The following SPTBN2 variants were observed in gnomAD, a reference collection of about 807,000 sequenced individuals.
The protein encoded by SPTBN2 is spectrin beta chain, non-erythrocytic 2.
SPTBN2 carries 107 observed loss-of-function variants against 284.2 expected under a neutral mutation model. The observed-to-expected ratio is 0.38, with a 90% confidence interval of 0.32 to 0.44. The LOEUF is 0.44. Among genes scored for constraint, SPTBN2 ranks in the 20% least tolerant of loss-of-function variants. SPTBN2 has a pLI of 1.00. For missense variants in SPTBN2, 2,569 were observed against 3,287.1 expected (o/e 0.78, Z 5.34); for synonymous variants, 1,289 against 1,354.8 (o/e 0.95, Z 1.07).
intron 1 of SPTBN2, among the ~76,000 whole-genome samples, chr11:66,740,010 C>A (rs191810388): frequency 1.3e-5 from 2 of 152,200 alleles, no homozygotes; most frequent in East Asian, 1.9e-4. Flanking sequence ...CCAGCCCAGG[C>A]AACAAGAACA....
intron 8 of SPTBN2, among the ~76,000 whole-genome samples, chr11:66,712,401 G>T (rs1941916220): frequency 6.6e-6 from 1 of 152,166 alleles, no homozygotes; most frequent in African/African-American, 2.4e-5. Flanking sequence ...ACAAAAATTA[G>T]CCGGGCGTGG....
Position 66,708,350 on chromosome 11 carries a change from G to C in SPTBN2, c.1192-51C>G. The C allele has an allele frequency of 6.6e-7, 1 of 1,506,538 alleles. No individual in the cohort carries two copies. The highest frequency in any genetic ancestry group is 8.9e-7 in the Non-Finnish European group (1 of 1,120,794). The allele number at this position is 1,506,538 out of a possible 1,614,324, so 93.3% of individuals were successfully genotyped here. On this transcript the variant is annotated intron_variant, in intron 11 of 37. Coordinates refer to ENST00000533211, the MANE Select transcript of SPTBN2 (RefSeq NM_006946.4). This position sits in a 1 kb window ranked among gnomAD's most constrained non-coding sequence, Gnocchi z 4.4. ...GAAGGGACAGGGTGGGGAGGGCTCA[G>C]TGGGGCTGGAGGCACATGGTAAGTC...
chr11:66,688,992 G>A (rs976582012), intron 30 of SPTBN2, 104 bp downstream of exon 30: 6 of 1,458,262 alleles, frequency 4.1e-6, no homozygotes, highest in South Asian at 1.2e-5. Flanking sequence ...ATTGGGCATC[G>A]TGAGTTTCAC....
rs375197132 is a variant in SPTBN2 at position 66,718,723 on chromosome 11, C to T, written c.157+2361G>A. ...AGTGGAACCTCAGGCTGGAGTCCAGCGTCAGGGGATTCAAGAATGGTGGGA... is the reference window on the plus strand; with the variant it reads ...AGTGGAACCTCAGGCTGGAGTCCAGTGTCAGGGGATTCAAGAATGGTGGGA... On this transcript the variant is annotated intron_variant, in intron 3 of 37. Coordinates refer to ENST00000533211, the MANE Select transcript of SPTBN2 (RefSeq NM_006946.4). This position sits in a 1 kb window ranked among gnomAD's most constrained non-coding sequence, Gnocchi z 4.8. 6.6e-5 allele frequency among the ~76,000 whole-genome samples: 10 copies of T among 152,196 alleles called. No individual in the cohort carries two copies. The highest frequency in any genetic ancestry group is 2.4e-4 in the African/African-American group (10 of 41,470).
At position 66,687,630 on chromosome 11, in the gene SPTBN2, G is replaced by A. The variant is rs1473545411; in HGVS notation, c.6519C>T (p.Asp2173=). ...TCTCTCCCCGGGGCCCATTGGCTTC[G>A]TCCCCTGAGCCAGGTCCCTGGGGGG... ...FPEGPGPGSG[D]EANGPRGERQ... is the part of the protein sequence containing the mutation. The change falls in exon 35 of 38, where the codon GAC becomes GAT. Residue 2173 remains aspartate, a synonymous_variant. Transcript: ENST00000533211. This position sits in a 1 kb window ranked among gnomAD's most constrained non-coding sequence, Gnocchi z 5.2. 11 of 1,599,028 alleles carry A rather than the reference G, an allele frequency of 6.9e-6. No individual in the cohort carries two copies. The highest frequency in any genetic ancestry group is 2.0e-4 in the Middle Eastern group (1 of 5,126).
intron 1 of SPTBN2, among the ~76,000 whole-genome samples, chr11:66,723,727 G>C (rs1286998268): frequency 6.6e-6 from 1 of 152,058 alleles, no homozygotes; most frequent in Non-Finnish European, 1.5e-5. Flanking sequence ...AGATTCTCTG[G>C]ATTTGTTCTG....
chr11:66,727,218 A>G (rs1942649312), intron 1 of SPTBN2, among the ~76,000 whole-genome samples: 1 of 152,022 alleles, frequency 6.6e-6, no homozygotes, highest in African/African-American at 2.4e-5. Context: ...GTTGCCCCAC[A>G]CCTCAAGCTA....
Position 66,707,789 on chromosome 11 carries a change from G to T in SPTBN2, c.1380C>A (p.Val460=), listed in dbSNP as rs529823815. 8 of 1,609,494 alleles carry T rather than the reference G, an allele frequency of 5.0e-6. No homozygotes were observed. Among genetic ancestry groups the T allele is most frequent in the Non-Finnish European group, 5.1e-6 (6 of 1,179,886 alleles). Residue 460 remains valine, a synonymous_variant, in exon 13 of 38, where the codon GTC becomes GTA. Coordinates refer to ENST00000533211, the MANE Select transcript of SPTBN2 (RefSeq NM_006946.4). This position sits in a 1 kb window ranked among gnomAD's most constrained non-coding sequence, Gnocchi z 4.9. ...QDNFGLELAA[V]EAAVRKHEAI... ...CTTCGTGCTTCCGTACTGCTGCCTCGACAGCTGCCAGCTCCAGCCCAAAGT... is the reference window on the plus strand; with the variant it reads ...CTTCGTGCTTCCGTACTGCTGCCTCTACAGCTGCCAGCTCCAGCCCAAAGT...
intron 28 of SPTBN2, 33 bp from the exon 29 acceptor site, chr11:66,689,976 C>A (rs931334090): frequency 3.1e-6 from 5 of 1,614,048 alleles, no homozygotes; most frequent in African/African-American, 1.3e-5. Context: ...TCACCTGCTG[C>A]CCACAGCCCC....
chr11:66,692,733 T>A lies in SPTBN2; in HGVS notation c.4993A>T (p.Ile1665Leu), dbSNP rs537381969. The A allele has an allele frequency of 6.2e-7, 1 of 1,601,690 alleles. No homozygotes were observed. Among genetic ancestry groups the A allele is most frequent in the East Asian group, 2.2e-5 (1 of 44,870 alleles). Residue 1665 changes from isoleucine (I) to leucine (L), a missense_variant, in exon 26 of 38, where the codon ATA becomes TTA. By Grantham distance (5) the Ile-to-Leu change is conservative (BLOSUM62 2). Coordinates refer to ENST00000533211, the MANE Select transcript of SPTBN2 (RefSeq NM_006946.4). ...TCCACCTGGGCTTGGCGGATGGATATCCGAGTGCTGCAAGAAGAGTGAGGG... is the reference window on the plus strand; with the variant it reads ...TCCACCTGGGCTTGGCGGATGGATAACCGAGTGCTGCAAGAAGAGTGAGGG... Reference protein sequence around the residue: ...IDHEHPESTRISIRQAQVDKL... With the variant: ...IDHEHPESTRLSIRQAQVDKL...
At position 66,707,551 on chromosome 11, in the gene SPTBN2, G is replaced by C. The variant is rs1941627865; in HGVS notation, c.1618C>G (p.Leu540Val). Reference sequence around the variant, plus strand: ...TCCATCCAGTCCATGAGGTAGAGCAGGTCCTGGAACACCTTCTGCAGCTCC... The same window carrying C: ...TCCATCCAGTCCATGAGGTAGAGCACGTCCTGGAACACCTTCTGCAGCTCC... ...NLELQKVFQD[L>V]LYLMDWMEEM... Residue 540 changes from leucine (L) to valine (V), a missense_variant, in exon 13 of 38, where the codon CTG becomes GTG. Physicochemically the swap from Leu to Val is conservative, Grantham distance 32 (BLOSUM62 1). Coordinates refer to ENST00000533211, the MANE Select transcript of SPTBN2 (RefSeq NM_006946.4). The surrounding 1 kb of genome is among the most constrained non-coding windows in gnomAD (Gnocchi z 4.9). The C allele has an allele frequency of 1.2e-6, 2 of 1,610,928 alleles. No individual in the cohort carries two copies. The highest frequency in any genetic ancestry group is 1.7e-6 in the Non-Finnish European group (2 of 1,179,216).
At chr11:66,742,582 A>G in intron 1 of SPTBN2, among the ~76,000 whole-genome samples, 1 of 151,290 alleles carries the variant, frequency 6.6e-6, no homozygotes, top group Non-Finnish European at 1.5e-5. Flanking sequence ...AAGGTGGAGC[A>G]TTTTCTGCTG....
intron 1 of SPTBN2, among the ~76,000 whole-genome samples, chr11:66,723,941 G>A (rs1246604579): frequency 6.6e-6 from 1 of 152,060 alleles, no homozygotes; most frequent in African/African-American, 2.4e-5. Context: ...CCACACTTAA[G>A]CTCAGCTCTG....
At position 66,691,373 on chromosome 11, in the gene SPTBN2, C is replaced by A; in HGVS notation, c.5476G>T (p.Asp1826Tyr). The change falls in exon 27 of 38, where the codon GAC (aspartate) becomes TAC (tyrosine). Residue 1826 changes from aspartate to tyrosine, a missense_variant. This residue lies in a region of SPTBN2 where 1,130 missense variants were observed against 1,317.3 expected (regional missense o/e 0.86). Transcript: ENST00000533211. This position sits in a 1 kb window ranked among gnomAD's most constrained non-coding sequence, Gnocchi z 8.0. ...RVQHKQQQLP[D>Y]GTGRDLNAAE... ...GCGTTGAGGTCGCGGCCAGTCCCGT[C>A]CGGAAGCTGCTGCTGCTTGTGCTGC... 2.5e-6 allele frequency: 4 copies of A among 1,594,324 alleles called. No homozygotes were observed. Among genetic ancestry groups the A allele is most frequent in the Non-Finnish European group, 3.4e-6 (4 of 1,166,914 alleles).
At chr11:66,724,486 T>C (rs1022668868) in intron 1 of SPTBN2, among the ~76,000 whole-genome samples, 4 of 151,978 alleles carry the variant, frequency 2.6e-5, no homozygotes, top group African/African-American at 9.7e-5. Flanking sequence ...ACTTCACATA[T>C]CTATGTTACC....
chr11:66,707,692 C>A lies in SPTBN2; in HGVS notation c.1477G>T (p.Ala493Ser). The change falls in exon 13 of 38, where the codon GCC becomes TCC. Residue 493 changes from alanine to serine, a missense_variant. By Grantham distance (99) the Ala-to-Ser change is moderately conservative (BLOSUM62 1). Around this residue, in one of 6 missense-constraint regions of SPTBN2, gnomAD observed 1,012 missense variants for 1,248.9 expected, o/e 0.81. Transcript: ENST00000533211. The surrounding 1 kb of genome is among the most constrained non-coding windows in gnomAD (Gnocchi z 4.9). ...AVDAVAAELA[A>S]ERYHDIKRIA... ...CGCTTGATGTCGTGGTAGCGCTCGG[C>A]GGCCAGCTCTGCAGCCACGGCGTCC... 1 of 1,605,310 alleles carries A rather than the reference C, an allele frequency of 6.2e-7. No homozygotes were observed. The highest frequency in any genetic ancestry group is 8.5e-7 in the Non-Finnish European group (1 of 1,179,206).
chr11:66,744,210 A>C (rs948282760), intron 1 of SPTBN2, among the ~76,000 whole-genome samples: 3 of 152,176 alleles, frequency 2.0e-5, no homozygotes, highest in Non-Finnish European at 4.4e-5. Context: ...TATATGTCCC[A>C]AAAATTGCCG....
At chr11:66,701,391 C>T in intron 16 of SPTBN2, 109 bp from the exon 17 acceptor site, 1 of 1,532,468 alleles carries the variant, frequency 6.5e-7, no homozygotes, top group Non-Finnish European at 8.8e-7. Context: ...CCCTTTCTGG[C>T]CAGCAGCCGC....
In SPTBN2 at chr11:66,718,791, CCT is replaced by C. The variant is rs1301650104; in HGVS notation, c.157+2291_157+2292del. On this transcript the variant is annotated intron_variant, in intron 3 of 37. Coordinates refer to ENST00000533211, the MANE Select transcript of SPTBN2 (RefSeq NM_006946.4). This position sits in a 1 kb window ranked among gnomAD's most constrained non-coding sequence, Gnocchi z 4.8. ...AAAGAGTTACGGGGTGTCCCGAACTCCTGAGACAGAGAGTGGGGGCACGCCTG... is the reference window on the plus strand; with the variant it reads ...AAAGAGTTACGGGGTGTCCCGAACTCGAGACAGAGAGTGGGGGCACGCCTG... 6.6e-6 allele frequency among the ~76,000 whole-genome samples: 1 copy of C among 152,228 alleles called. No individual in the cohort carries two copies. The highest frequency in any genetic ancestry group is 1.5e-5 in the Non-Finnish European group (1 of 68,034).
Sources: gnomAD v4.1 joint callset for allele counts (sites outside exome capture counted in the v4.1 genomes callset) on GRCh38, gnomAD v4.1.1 for gene constraint, gnomAD v4.1.1 regional missense constraint, Gnocchi (gnomAD v3.1) non-coding constraint, MANE v1.5 for transcripts, NCBI Gene and HGNC (gene_info 2026-07-23, HGNC 2026-07-21) for gene names.